TSTD2: variants seen among roughly 807,000 people sequenced by gnomAD.
TSTD2 encodes the protein thiosulfate sulfurtransferase like domain containing 2, also known as thiosulfate sulfurtransferase/rhodanese-like domain-containing protein 2.
Under a neutral mutation model 47.9 loss-of-function variants are expected in TSTD2, and 37 were observed. The observed-to-expected ratio is 0.77, with a 90% confidence interval of 0.59 to 1.02. The LOEUF is 1.02. Among genes scored for constraint, TSTD2 ranks in the 50% least tolerant of loss-of-function variants. TSTD2 has a pLI of 0.00. For missense variants in TSTD2, 586 were observed against 616.0 expected (o/e 0.95, Z 0.52); for synonymous variants, 201 against 215.9 (o/e 0.93, Z 0.61).
Position 97,617,818 on chromosome 9 carries a change from T to A in TSTD2, c.542A>T (p.Asp181Val), listed in dbSNP as rs1464117403. 1 of 1,614,024 alleles carries A rather than the reference T, an allele frequency of 6.2e-7. No homozygotes were observed. The highest frequency in any genetic ancestry group is 1.3e-5 in the African/African-American group (1 of 74,934). ...CTGCCAGGCACAGATCCATTGGGGA[T>A]CCTCCAGGTCATGGTAGCAGTAATA... Reference protein sequence around the residue: ...LLYYCYHDLEDPQWICAWQTA... With the variant: ...LLYYCYHDLEVPQWICAWQTA... The change falls in exon 4 of 10, where the codon GAT becomes GTT. Residue 181 changes from aspartate to valine, a missense_variant. By Grantham distance (152) the Asp-to-Val change is radical (BLOSUM62 -3). Coordinates refer to ENST00000341170, the MANE Select transcript of TSTD2 (RefSeq NM_139246.5).
chr9:97,605,810 C>T (rs1279354793), intron 7 of TSTD2, among the ~76,000 whole-genome samples, 169 bp from the exon 8 acceptor site: 1 of 152,220 alleles, frequency 6.6e-6, no homozygotes, highest in Non-Finnish European at 1.5e-5. Context: ...AAAACCGAGG[C>T]TGTGGGCTGT....
intron 1 of TSTD2, among the ~76,000 whole-genome samples, chr9:97,632,971 C>T (rs1475592265): frequency 6.6e-6 from 1 of 152,236 alleles, no homozygotes; most frequent in Non-Finnish European, 1.5e-5. Context: ...CGCTCACACA[C>T]AGGCATATAG....
chr9:97,606,364 C>T, intron 6 of TSTD2, 103 bp from the exon 7 acceptor site: 1 of 655,292 alleles, frequency 1.5e-6, no homozygotes, highest in Non-Finnish European at 2.7e-6. Context: ...TTTCTTTCCA[C>T]CCAAATCTCT....
chr9:97,601,477 A>G lies in TSTD2; in HGVS notation c.*992T>C. The G allele has an allele frequency of 1.0e-6, 1 of 996,004 alleles. No homozygotes were observed. The highest frequency in any genetic ancestry group is 1.2e-6 in the Non-Finnish European group (1 of 836,206). 61.7% of individuals were successfully genotyped at this position (996,004 alleles called of 1,614,324 possible). A position where few individuals can be genotyped will look rare whatever the true frequency, so the allele number is the denominator to read the frequency against. ...TCAGAGAGTAAGTGCTGGGGAAAGC[A>G]GAGCTATCAGAGGAAATCTCTCATA... On this transcript the variant is annotated 3_prime_UTR_variant, in exon 10 of 10. Coordinates refer to ENST00000341170, the MANE Select transcript of TSTD2 (RefSeq NM_139246.5).
chr9:97,625,840 G>A lies in TSTD2; in HGVS notation c.323C>T (p.Thr108Ile), dbSNP rs367569099. ...AGCCAGTTGCTTTAAAATAGAAGCT[G>A]TCTGGTGATAAATTTCATCAGCATG... ...TQHADEIYHQ[T>I]ASILKQLAVT... Residue 108 changes from threonine (T) to isoleucine (I), a missense_variant, in exon 3 of 10, where the codon ACA becomes ATA. By Grantham distance (89) the Thr-to-Ile change is moderately conservative. Coordinates refer to ENST00000341170, the MANE Select transcript of TSTD2 (RefSeq NM_139246.5). 3.7e-6 allele frequency: 6 copies of A among 1,614,060 alleles called. No individual in the cohort carries two copies. The highest frequency in any genetic ancestry group is 5.1e-6 in the Non-Finnish European group (6 of 1,180,008).
intron 6 of TSTD2, among the ~76,000 whole-genome samples, chr9:97,607,739 C>T (rs1826387848): frequency 6.6e-6 from 1 of 151,948 alleles, no homozygotes; most frequent in African/African-American, 2.4e-5. Context: ...CCCGTCTCTA[C>T]TAAAAATACA....
chr9:97,601,470 G>A lies in TSTD2; in HGVS notation c.*999C>T. 1 of 1,000,128 alleles carries A rather than the reference G, an allele frequency of 1.0e-6. No homozygotes were observed. Among genetic ancestry groups the A allele is most frequent in the Non-Finnish European group, 1.2e-6 (1 of 838,598 alleles). The allele number at this position is 1,000,128 out of a possible 1,614,324, so 62.0% of individuals were successfully genotyped here. On this transcript the variant is annotated 3_prime_UTR_variant, in exon 10 of 10. Coordinates refer to ENST00000341170, the MANE Select transcript of TSTD2 (RefSeq NM_139246.5). ...TAAAAGCTCAGAGAGTAAGTGCTGG[G>A]GAAAGCAGAGCTATCAGAGGAAATC...
rs375385088 is a variant in TSTD2 at position 97,606,132 on chromosome 9, C to T, written c.954+11G>A. On this transcript the variant is annotated intron_variant, in intron 7 of 9. Transcript: ENST00000341170. ...ACCAATTCAGAGAACTCAGTTCTGGCTTTTACTTACTATTTTGCTTTCATA... is the reference window on the plus strand; with the variant it reads ...ACCAATTCAGAGAACTCAGTTCTGGTTTTTACTTACTATTTTGCTTTCATA... 6.4e-7 allele frequency: 1 copy of T among 1,556,312 alleles called. No individual in the cohort carries two copies. The highest frequency in any genetic ancestry group is 8.9e-7 in the Non-Finnish European group (1 of 1,129,088).
At chr9:97,618,697 G>C (rs1309726936) in intron 3 of TSTD2, among the ~76,000 whole-genome samples, 1 of 152,024 alleles carries the variant, frequency 6.6e-6, no homozygotes, top group Non-Finnish European at 1.5e-5. Flanking sequence ...TACCTTGTTA[G>C]CATCCTCTAG....
intron 6 of TSTD2, among the ~76,000 whole-genome samples, chr9:97,609,143 A>T (rs1425610479): frequency 6.6e-6 from 1 of 152,156 alleles, no homozygotes; most frequent in African/African-American, 2.4e-5. Context: ...AAGTAAACTA[A>T]TAATTTTTTA....
chr9:97,632,789 G>T (rs752043311), intron 1 of TSTD2, among the ~76,000 whole-genome samples: 1 of 152,198 alleles, frequency 6.6e-6, no homozygotes, highest in Non-Finnish European at 1.5e-5. Flanking sequence ...TAAAAAGAGG[G>T]AAAAGAGCTA....
At chr9:97,631,202 C>T (rs564489131) in intron 1 of TSTD2, among the ~76,000 whole-genome samples, 12 of 152,130 alleles carry the variant, frequency 7.9e-5, no homozygotes, top group African/African-American at 1.2e-4. Context: ...CTGCAACCTC[C>T]GCCTCCCAGG....
At chr9:97,619,512 CT>C (rs910409360) in intron 3 of TSTD2, among the ~76,000 whole-genome samples, 16 of 147,812 alleles carry the variant, frequency 1.1e-4, no homozygotes, top group South Asian at 2.1e-4. Context: ...TTCTTTTTTT[CT>C]TTTTTTTTTG....
At chr9:97,614,962 G>A (rs539572272) in intron 4 of TSTD2, among the ~76,000 whole-genome samples, 66 of 152,280 alleles carry the variant, frequency 4.3e-4, no homozygotes, top group African/African-American at 1.5e-3. Context: ...TAGAAAAATA[G>A]AGCCCAATCA....
chr9:97,615,717 A>C (rs1283928384), intron 4 of TSTD2, among the ~76,000 whole-genome samples: 1 of 152,214 alleles, frequency 6.6e-6, no homozygotes, highest in African/African-American at 2.4e-5. Flanking sequence ...CTAATTTAGC[A>C]CTTGGGTTGG....
intron 1 of TSTD2, among the ~76,000 whole-genome samples, chr9:97,632,026 A>C (rs1000047500): frequency 6.6e-6 from 1 of 152,148 alleles, no homozygotes; most frequent in African/African-American, 2.4e-5. Context: ...GCGCCAAGAG[A>C]GCAGGGGTTT....
chr9:97,629,818 G>C (rs1217413450), intron 1 of TSTD2, among the ~76,000 whole-genome samples: 1 of 151,944 alleles, frequency 6.6e-6, no homozygotes, highest in Middle Eastern at 3.2e-3. Flanking sequence ...CATTGTTCTA[G>C]AAACAGATAA....
Position 97,602,523 on chromosome 9 carries a change from A to C in TSTD2, c.1497T>G (p.Pro499=). 1.2e-6 allele frequency: 2 copies of C among 1,614,016 alleles called. No individual in the cohort carries two copies. Among genetic ancestry groups the C allele is most frequent in the Non-Finnish European group, 1.7e-6 (2 of 1,179,910 alleles). Residue 499 remains proline (P), a synonymous_variant, in exon 10 of 10, where the codon CCT becomes CCG. Coordinates refer to ENST00000341170, the MANE Select transcript of TSTD2 (RefSeq NM_139246.5). ...CATCAGGCCCTGGCTCTGGGCTCACAGGCTGTCGCACATGCTGCAAGAGTT... is the reference window on the plus strand; with the variant it reads ...CATCAGGCCCTGGCTCTGGGCTCACCGGCTGTCGCACATGCTGCAAGAGTT... ...PRELLQHVRQ[P]VSPEPGPDAD...
chr9:97,616,144 G>A (rs557977010), intron 4 of TSTD2, among the ~76,000 whole-genome samples: 128 of 152,300 alleles, frequency 8.4e-4, no homozygotes, highest in Non-Finnish European at 1.4e-3. Flanking sequence ...CAGAGTGGGT[G>A]TAGGAGAGTT....
Sources: gnomAD v4.1 joint callset for allele counts (sites outside exome capture counted in the v4.1 genomes callset) on GRCh38, gnomAD v4.1.1 for gene constraint, MANE v1.5 for transcripts, NCBI Gene and HGNC (gene_info 2026-07-23, HGNC 2026-07-21) for gene names.